NECTIN1: variants seen among roughly 807,000 people sequenced by gnomAD.
NECTIN1 encodes the protein nectin-1.
A neutral mutation model predicts 48.0 loss-of-function variants in NECTIN1; 23 were observed. The ratio of observed to expected loss-of-function variants is 0.48; its 90% CI spans 0.34 to 0.68. The LOEUF (loss-of-function observed/expected upper bound fraction) is 0.68. Ranked by LOEUF, NECTIN1 falls within the 30% of genes least tolerant of loss-of-function variation. The probability of loss-of-function intolerance (pLI) is 0.01; values close to 1 mark genes in which losing one functional copy is unlikely to be tolerated. For missense variants in NECTIN1, 591 were observed against 709.9 expected, an observed-to-expected ratio of 0.83 and a Z score of 1.90; for synonymous variants, 270 against 288.9, an observed-to-expected ratio of 0.93 and a Z score of 0.66.
intron 5 of NECTIN1, among the ~76,000 whole-genome samples, chr11:119,648,304 G>GCTGA: frequency 1.1e-4 from 1 of 9,322 alleles, no homozygotes; most frequent in Non-Finnish European, 2.5e-4. Context: ...GGTGGTGGTG[G>GCTGA]TGATGGTGGT....
At chr11:119,638,800 G>T in exon 7 of NECTIN1, 1 of 1,613,796 alleles carries the variant, frequency 6.2e-7, no homozygotes, top group Non-Finnish European at 8.5e-7. Context: ...AGAGGGGCTG[G>T]TCGGTCCTGG....
intron 5 of NECTIN1, among the ~76,000 whole-genome samples, chr11:119,648,289 ATGGTGGTGG>A (rs1263768008): frequency 0.015 from 160 of 10,748 alleles, 10 homozygotes; most frequent in African/African-American, 0.034. Flanking sequence ...GGTGGTGGTG[ATGGTGGTGG>A]TGGTGGTGAT....
chr11:119,697,277 AT>A (rs1489074517), intron 1 of NECTIN1, among the ~76,000 whole-genome samples: 1 of 286 alleles, frequency 3.5e-3, no homozygotes, highest in African/African-American at 0.012. Context: ...AACTCAAGCA[AT>A]TAAAAAAATA....
Position 119,728,343 on chromosome 11 carries a change from C to T in NECTIN1, c.79+132G>A, listed in dbSNP as rs1035056693. On this transcript the variant is annotated intron_variant, in intron 1 of 5. Transcript: ENST00000264025. The stretch of plus-strand genomic sequence containing the variant: ...TTCTCCGCCGTGCCACCTCCCACCC[C>T]CTTTACCCAAGCCGTGACCCAACTT... The T allele has an allele frequency of 3.6e-6, 3 of 841,136 alleles. No individual in the cohort carries two copies. The South Asian group carries it at 5.4e-5, about 15-fold the overall frequency. 52.1% of individuals were successfully genotyped at this position (841,136 alleles called of 1,614,324 possible). A position where few individuals can be genotyped will look rare whatever the true frequency, so the allele number is the denominator to read the frequency against.
chr11:119,638,942 C>T, intron 6 of NECTIN1: 1 of 782,904 alleles, frequency 1.3e-6, no homozygotes, highest in Non-Finnish European at 2.1e-6. Context: ...AGGCAGCCTC[C>T]TGAGAGGCCA....
At position 119,662,537 on chromosome 11, in the gene NECTIN1, G is replaced by T. The variant is rs1864685395; in HGVS notation, c.*2210C>A. The T allele has an allele frequency of 6.1e-6, 6 of 985,824 alleles. No homozygotes were observed. Among genetic ancestry groups the T allele is most frequent in the Non-Finnish European group, 7.2e-6 (6 of 830,012 alleles). The allele number at this position is 985,824 out of a possible 1,614,324, so 61.1% of individuals were successfully genotyped here. A position where few individuals can be genotyped will look rare whatever the true frequency, so the allele number is the denominator to read the frequency against. On this transcript the variant is annotated 3_prime_UTR_variant, in exon 6 of 6. Coordinates refer to ENST00000264025, the MANE Select transcript of NECTIN1 (RefSeq NM_002855.5). This position sits in a 1 kb window ranked among gnomAD's most constrained non-coding sequence, Gnocchi z 5.3. ...CTTGGGGCCTTCAAAGTCCAACACA[G>T]AATGGGGAATAGAGGGTGGCAGTGC...
rs1864883975 is a variant in NECTIN1 at position 119,672,959 on chromosome 11, T to C, written c.1003+2200A>G. Among the ~76,000 whole-genome samples the C allele has an allele frequency of 3.9e-5, 6 of 152,328 alleles. No homozygotes were observed. The South Asian group carries it at 1.2e-3, about 32-fold the overall frequency. The stretch of plus-strand genomic sequence containing the variant: ...ACCCCCTGCTGCCCACCTTCTGCCC[T>C]GCCCCAGTCACTCCTCATTTCCCTT... On this transcript the variant is annotated intron_variant, in intron 5 of 5. Coordinates refer to ENST00000264025, the MANE Select transcript of NECTIN1 (RefSeq NM_002855.5). The surrounding 1 kb of genome is among the most constrained non-coding windows in gnomAD (Gnocchi z 4.3).
In NECTIN1 at chr11:119,661,480, G is replaced by A; in HGVS notation, c.*3267C>T. 2.0e-6 allele frequency: 2 copies of A among 986,010 alleles called. No individual in the cohort carries two copies. The highest frequency in any genetic ancestry group is 9.4e-5 in the South Asian group (2 of 21,292). 61.1% of individuals were successfully genotyped at this position (986,010 alleles called of 1,614,324 possible). A position where few individuals can be genotyped will look rare whatever the true frequency, so the allele number is the denominator to read the frequency against. ...TGCCCCTCACTAGGAGAGGGTTTCT[G>A]TTGGCAGTCAGGCTTTGGGGGTCTC... On this transcript the variant is annotated 3_prime_UTR_variant, in exon 6 of 6. Coordinates refer to ENST00000264025, the MANE Select transcript of NECTIN1 (RefSeq NM_002855.5).
At chr11:119,646,461 T>C (rs980338949) in intron 5 of NECTIN1, among the ~76,000 whole-genome samples, 7 of 152,238 alleles carry the variant, frequency 4.6e-5, no homozygotes, top group Non-Finnish European at 7.3e-5. Flanking sequence ...CTCCGTAGAA[T>C]CTCGGCTGCT....
At chr11:119,650,921 A>G (rs1864481317) in intron 5 of NECTIN1, among the ~76,000 whole-genome samples, 1 of 152,190 alleles carries the variant, frequency 6.6e-6, no homozygotes, top group South Asian at 2.1e-4. Flanking sequence ...CAAACATCAT[A>G]TAAATGTAAA....
intron 4 of NECTIN1, chr11:119,675,647 T>G (rs886658084): frequency 6.7e-6 from 2 of 300,318 alleles, no homozygotes; most frequent in Non-Finnish European, 1.3e-5. Flanking sequence ...CCTGGTAAAG[T>G]GCTCTTTCTA....
chr11:119,686,527 C>CAGT (rs1329053269), intron 1 of NECTIN1, among the ~76,000 whole-genome samples: 20 of 152,150 alleles, frequency 1.3e-4, no homozygotes, highest in Non-Finnish European at 2.5e-4. Flanking sequence ...TACTTCAGAC[C>CAGT]CTCCCATGGT....
At chr11:119,638,139 G>A (rs760888471) in exon 8 of NECTIN1, 2 of 1,613,842 alleles carry the variant, frequency 1.2e-6, no homozygotes, top group Non-Finnish European at 1.7e-6. Context: ...CTTACCGAGG[G>A]GTGGTAGGAG....
intron 5 of NECTIN1, chr11:119,641,399 T>G (rs1345870608): frequency 6.6e-6 from 1 of 152,232 alleles, no homozygotes; most frequent in Non-Finnish European, 1.5e-5. Context: ...CAAGAGTTCC[T>G]CCAACAGTTT....
intron 1 of NECTIN1, among the ~76,000 whole-genome samples, chr11:119,708,944 T>G (rs1200176730): frequency 6.6e-6 from 1 of 151,972 alleles, no homozygotes; most frequent in Non-Finnish European, 1.5e-5. Flanking sequence ...ACCGGTCTTC[T>G]GAAGTCCAAG....
chr11:119,727,592 C>G lies in NECTIN1; in HGVS notation c.79+883G>C, dbSNP rs1409974523. Among the ~76,000 whole-genome samples the G allele has an allele frequency of 6.6e-6, 1 of 152,206 alleles. No homozygotes were observed. The highest frequency in any genetic ancestry group is 1.5e-5 in the Non-Finnish European group (1 of 68,038). Reference sequence around the variant, plus strand: ...TGCCTCCTAAACGCATTTTCCAGTTCATTCCCCAGCACAATATGCCTGGGC... The same window carrying G: ...TGCCTCCTAAACGCATTTTCCAGTTGATTCCCCAGCACAATATGCCTGGGC... On this transcript the variant is annotated intron_variant, in intron 1 of 5. Coordinates refer to ENST00000264025, the MANE Select transcript of NECTIN1 (RefSeq NM_002855.5). This position sits in a 1 kb window ranked among gnomAD's most constrained non-coding sequence, Gnocchi z 4.1.
chr11:119,659,289 A>G (rs1265948196), downstream of NECTIN1: 1 of 152,366 alleles, frequency 6.6e-6, no homozygotes, highest in African/African-American at 2.4e-5. Context: ...CAATTCATCA[A>G]GTTTATCTCC....
At chr11:119,669,579 A>AT (rs1864834133) in intron 5 of NECTIN1, among the ~76,000 whole-genome samples, 1 of 152,094 alleles carries the variant, frequency 6.6e-6, no homozygotes, top group African/African-American at 2.4e-5. Flanking sequence ...TCCACACAGC[A>AT]GCCAGACAAA....
At chr11:119,717,182 C>T (rs981300752) in intron 1 of NECTIN1, among the ~76,000 whole-genome samples, 20 of 152,222 alleles carry the variant, frequency 1.3e-4, no homozygotes, top group African/African-American at 4.6e-4. Flanking sequence ...CCATCATCAC[C>T]GCCCCTTCAG....
Sources: allele counts gnomAD v4.1 joint callset (sites outside exome capture counted in the v4.1 genomes callset), GRCh38; gene constraint gnomAD v4.1.1; non-coding constraint Gnocchi (gnomAD v3.1); transcripts MANE v1.5; gene names NCBI Gene and HGNC (gene_info 2026-07-23, HGNC 2026-07-21).